Variants in MARCHF1 observed in about 807,000 individuals in gnomAD.
The protein encoded by MARCHF1 is E3 ubiquitin-protein ligase MARCHF1.
Under a neutral mutation model 54.2 loss-of-function variants are expected in MARCHF1, and 40 were observed. The ratio of observed to expected loss-of-function variants is 0.74; its 90% CI spans 0.57 to 0.96. MARCHF1 has a LOEUF of 0.96. MARCHF1 is among the 40% of genes least tolerant of loss of function. The pLI is 0.00. For synonymous variants in MARCHF1, 236 were observed against 236.3 expected (o/e 1.00, Z 0.01); for missense variants, 586 against 656.5 (o/e 0.89, Z 1.17).
intron 1 of MARCHF1, among the ~76,000 whole-genome samples, chr4:164,289,605 A>G (rs985818600): frequency 7.8e-6 from 1 of 128,484 alleles, no homozygotes; most frequent in Admixed American, 7.4e-5. Flanking sequence ...AAAAAAAAAA[A>G]CCTGTTCAAA....
chr4:164,122,984 T>G (rs1030720595), intron 1 of MARCHF1, among the ~76,000 whole-genome samples: 1 of 152,022 alleles, frequency 6.6e-6, no homozygotes, highest in Admixed American at 6.6e-5. Flanking sequence ...AAGAAAGAAA[T>G]AAAGGGCATC....
At chr4:163,544,058 T>C (rs997496168) in intron 9 of MARCHF1, among the ~76,000 whole-genome samples, 2 of 152,128 alleles carry the variant, frequency 1.3e-5, no homozygotes, top group South Asian at 2.1e-4. Context: ...GGGTAAGACA[T>C]TGGGTGAAGC....
intron 3 of MARCHF1, among the ~76,000 whole-genome samples, chr4:163,983,069 T>C (rs1308365911): frequency 3.9e-5 from 6 of 152,184 alleles, no homozygotes; most frequent in Non-Finnish European, 8.8e-5. Flanking sequence ...ATGGATGACG[T>C]ACAGTAATCA....
At chr4:164,330,684 G>A (rs1735412528) in intron 1 of MARCHF1, among the ~76,000 whole-genome samples, 1 of 152,188 alleles carries the variant, frequency 6.6e-6, no homozygotes, top group Admixed American at 6.5e-5. Flanking sequence ...CATGAAGGCA[G>A]TAGGGGTCCT....
At chr4:163,791,852 T>C (rs954606760) in intron 4 of MARCHF1, among the ~76,000 whole-genome samples, 4 of 152,194 alleles carry the variant, frequency 2.6e-5, no homozygotes, top group Admixed American at 2.0e-4. Flanking sequence ...CCATGTATTT[T>C]GCTTACATAG....
rs1754705387 is a variant in MARCHF1, at chr4:164,065,377, T to G, written c.-248+46211A>C. On this transcript the variant is annotated intron_variant, in intron 2 of 9. Transcript: ENST00000514618. Reference sequence around the variant, plus strand: ...AGGCAATACCATATGGACATAGGCATGGGCAAAGATTTCATGGCAAAGGCA... The same window carrying G: ...AGGCAATACCATATGGACATAGGCAGGGGCAAAGATTTCATGGCAAAGGCA... Among the ~76,000 whole-genome samples the G allele has an allele frequency of 3.9e-5, 6 of 152,290 alleles. No homozygotes were observed. In the South Asian group the frequency reaches 1.0e-3, roughly 26 times the overall value.
chr4:163,724,243 C>T (rs1027021995), intron 4 of MARCHF1, among the ~76,000 whole-genome samples: 36 of 152,022 alleles, frequency 2.4e-4, no homozygotes, highest in African/African-American at 4.1e-4. Context: ...CTAATGGTCA[C>T]GATCCTCAGA....
chr4:164,159,541 G>A (rs1348839752), intron 1 of MARCHF1, among the ~76,000 whole-genome samples: 1 of 152,032 alleles, frequency 6.6e-6, no homozygotes, highest in African/African-American at 2.4e-5. Flanking sequence ...TTGACAATAG[G>A]TTTTTTTAAG....
rs552057833 is a variant in MARCHF1 at position 163,597,209 on chromosome 4, C to T, written c.1011-11280G>A. 8.0e-4 allele frequency among the ~76,000 whole-genome samples: 122 copies of T among 152,276 alleles called. 1 individual carries two copies. Among genetic ancestry groups the T allele is most frequent in the Non-Finnish European group, 8.1e-4 (55 of 68,022 alleles). On this transcript the variant is annotated intron_variant, in intron 7 of 9. Transcript: ENST00000514618. ...CTGACCTCAGGTGATCTGCCCACCT[C>T]GGCCTTCCAAAGTGCTGGTATTAGA...
chr4:163,882,600 T>C (rs1485693789), intron 3 of MARCHF1, among the ~76,000 whole-genome samples: 1 of 152,226 alleles, frequency 6.6e-6, no homozygotes. Context: ...AAGAGCACTG[T>C]TGGCTCACTT....
At chr4:163,746,060 GT>G (rs1247653671) in intron 4 of MARCHF1, among the ~76,000 whole-genome samples, 14 of 152,116 alleles carry the variant, frequency 9.2e-5, no homozygotes, top group Non-Finnish European at 1.6e-4. Flanking sequence ...TCTTGGTGTT[GT>G]TCATTCTATG....
chr4:163,681,969 G>A (rs1424002408), intron 5 of MARCHF1, among the ~76,000 whole-genome samples: 2 of 152,142 alleles, frequency 1.3e-5, no homozygotes, highest in African/African-American at 4.8e-5. Flanking sequence ...GACTTGGAGG[G>A]CTCAAAAGAC....
At chr4:163,733,258 T>C (rs56142907) in intron 4 of MARCHF1, among the ~76,000 whole-genome samples, 8,495 of 44,992 alleles carry the variant, frequency 0.19, 1,952 homozygotes, top group East Asian at 0.38. Flanking sequence ...TATATATATA[T>C]ACACACACAC....
At chr4:164,123,778 T>C (rs1280654575) in intron 1 of MARCHF1, among the ~76,000 whole-genome samples, 1 of 151,986 alleles carries the variant, frequency 6.6e-6, no homozygotes, top group Non-Finnish European at 1.5e-5. Flanking sequence ...CCCTAGCTTT[T>C]GCCATATATA....
chr4:163,925,693 G>A (rs886151869), intron 3 of MARCHF1, among the ~76,000 whole-genome samples: 4 of 151,736 alleles, frequency 2.6e-5, no homozygotes, highest in Non-Finnish European at 1.5e-5. Flanking sequence ...AGAATGAGAA[G>A]GGCCAGACTG....
At chr4:164,048,167 A>G (rs1054056758) in intron 2 of MARCHF1, among the ~76,000 whole-genome samples, 1 of 152,186 alleles carries the variant, frequency 6.6e-6, no homozygotes, top group South Asian at 2.1e-4. Flanking sequence ...TGAACAATAT[A>G]TTACTTTTCA....
At chr4:164,058,200 C>T (rs534992936) in intron 2 of MARCHF1, among the ~76,000 whole-genome samples, 2 of 152,184 alleles carry the variant, frequency 1.3e-5, no homozygotes, top group African/African-American at 4.8e-5. Flanking sequence ...CAACAAACCA[C>T]CATGGCACTT....
At chr4:164,342,613 G>T (rs952761022) in intron 1 of MARCHF1, among the ~76,000 whole-genome samples, 3 of 151,756 alleles carry the variant, frequency 2.0e-5, no homozygotes, top group African/African-American at 4.8e-5. Flanking sequence ...CTACTTCTGG[G>T]TATATATCTA....
At chr4:163,656,090 A>G (rs1359703500) in intron 5 of MARCHF1, among the ~76,000 whole-genome samples, 3 of 150,662 alleles carry the variant, frequency 2.0e-5, no homozygotes, top group African/African-American at 4.9e-5. Flanking sequence ...GACACAAAAA[A>G]CCTTTCAAAA....
Sources: gnomAD v4.1 joint callset for allele counts (sites outside exome capture counted in the v4.1 genomes callset) on GRCh38, gnomAD v4.1.1 for gene constraint, MANE v1.5 for transcripts, NCBI Gene and HGNC (gene_info 2026-07-23, HGNC 2026-07-21) for gene names.